The following ZNF792 variants were observed in gnomAD, a reference collection of about 807,000 sequenced individuals.
ZNF792 encodes the protein zinc finger protein 792.
A neutral mutation model predicts 13.1 loss-of-function variants in ZNF792; 14 were observed. The ratio of observed to expected loss-of-function variants is 1.07; its 90% CI spans 0.71 to 1.67. ZNF792 has a LOEUF of 1.67. ZNF792 is among the 40% of genes most tolerant of loss of function. ZNF792 has a pLI of 0.00. For synonymous variants in ZNF792, 257 were observed against 292.0 expected, an observed-to-expected ratio of 0.88 and a Z score of 1.22; for missense variants, 740 against 807.9, an observed-to-expected ratio of 0.92 and a Z score of 1.02.
intron 2 of ZNF792, chr19:34,960,561 A>G (rs2546025): frequency 0.31 from 222,668 of 723,572 alleles, 35,893 homozygotes; most frequent in African/African-American, 0.45. Context: ...TAAACCACAG[A>G]ACTGTCAGAT....
chr19:34,957,657 T>A lies in ZNF792; in HGVS notation c.*299A>T, dbSNP rs181175273. 226 of 336,752 alleles carry A rather than the reference T, an allele frequency of 6.7e-4. 1 individual carries two copies. Among genetic ancestry groups the A allele is most frequent in the African/African-American group, 4.3e-3 (202 of 47,358 alleles). The allele number at this position is 336,752 out of a possible 1,614,324, so 20.9% of individuals were successfully genotyped here. On this transcript the variant is annotated 3_prime_UTR_variant, in exon 4 of 4. Coordinates refer to ENST00000404801, the MANE Select transcript of ZNF792 (RefSeq NM_175872.5). The stretch of plus-strand genomic sequence containing the variant: ...CTAGAACAAGCTGTTGGCAAAACCC[T>A]GCTCAGGTCTTCACAGCCAAAAGCT...
At chr19:34,963,358 AC>A (rs2013555414) in intron 1 of ZNF792, among the ~76,000 whole-genome samples, 3 of 149,210 alleles carry the variant, frequency 2.0e-5, no homozygotes, top group Non-Finnish European at 4.5e-5. Flanking sequence ...GCCCCACCCC[AC>A]CCCCAAGCTT....
rs747178799 is a variant in ZNF792 at position 34,958,714 on chromosome 19, G to A, written c.1141C>T (p.Leu381Phe). 4 of 1,614,122 alleles carry A rather than the reference G, an allele frequency of 2.5e-6. No individual in the cohort carries two copies. Among genetic ancestry groups the A allele is most frequent in the Non-Finnish European group, 3.4e-6 (4 of 1,179,996 alleles). The change falls in exon 4 of 4, where the codon CTC becomes TTC. Residue 381 changes from leucine (L) to phenylalanine (F), a missense_variant. By Grantham distance (22) the Leu-to-Phe change is conservative. Coordinates refer to ENST00000404801, the MANE Select transcript of ZNF792 (RefSeq NM_175872.5). ...CGKFFSQRSN[L>F]IHHKRVHTGR... ...GTATGAACCCTCTTATGATGAATGA[G>A]GTTGGAACGCTGGCTGAAGAACTTC... is the stretch of plus-strand genomic sequence containing the variant.
Position 34,959,010 on chromosome 19 carries a change from T to C in ZNF792, c.845A>G (p.Tyr282Cys). 1 of 1,614,154 alleles carries C rather than the reference T, an allele frequency of 6.2e-7. No homozygotes were observed. The highest frequency in any genetic ancestry group is 8.5e-7 in the Non-Finnish European group (1 of 1,179,972). ...HQRIHSRERPYECSKCGIFFT... is the reference protein window; with the variant it reads ...HQRIHSRERPCECSKCGIFFT... The stretch of plus-strand genomic sequence containing the variant: ...GAAGATTCCACATTTGCTGCATTCA[T>C]AAGGCCTTTCTCTGCTGTGGATTCT... The change falls in exon 4 of 4, where the codon TAT becomes TGT. Residue 282 changes from tyrosine to cysteine, a missense_variant. Transcript: ENST00000404801.
rs549657234 is a variant in ZNF792, at chr19:34,962,771, G to A, written c.33+859C>T. Among the ~76,000 whole-genome samples, 6 of 152,228 alleles carry A rather than the reference G, an allele frequency of 3.9e-5. No individual in the cohort carries two copies. In the South Asian group the frequency reaches 8.3e-4, roughly 21 times the overall value. On this transcript the variant is annotated intron_variant, in intron 1 of 3. Coordinates refer to ENST00000404801, the MANE Select transcript of ZNF792 (RefSeq NM_175872.5). Reference sequence around the variant, plus strand: ...CCTTAACAACTCCCTCAGAACACCCGAACTGTGTGTTCAGCGGCCCACTCT... The same window carrying A: ...CCTTAACAACTCCCTCAGAACACCCAAACTGTGTGTTCAGCGGCCCACTCT...
At position 34,956,693 on chromosome 19, in the gene ZNF792, C is replaced by G. The variant is rs2013435427; in HGVS notation, c.*1263G>C. 6.6e-6 allele frequency: 1 copy of G among 152,220 alleles called. No individual in the cohort carries two copies. Among genetic ancestry groups the G allele is most frequent in the Non-Finnish European group, 1.5e-5 (1 of 68,044 alleles). 9.4% of individuals were successfully genotyped at this position (152,220 alleles called of 1,614,324 possible). On this transcript the variant is annotated 3_prime_UTR_variant, in exon 4 of 4. Coordinates refer to ENST00000404801, the MANE Select transcript of ZNF792 (RefSeq NM_175872.5). ...GGCAACCCTATATTGACTCTGTCAT[C>G]TCTTTCTTCTTGCCTTGGGAGCAAA...
rs201301780 is a variant in ZNF792 at position 34,960,225 on chromosome 19, C to T, written c.283+10G>A. The T allele has an allele frequency of 1.9e-5, 31 of 1,613,142 alleles. No homozygotes were observed. The highest frequency in any genetic ancestry group is 1.7e-4 in the Middle Eastern group (1 of 6,056). On this transcript the variant is annotated intron_variant, in intron 3 of 3. Coordinates refer to ENST00000404801, the MANE Select transcript of ZNF792 (RefSeq NM_175872.5). ...AGTCACATCCTCCCCTAGCTCCCAT[C>T]GCTGCTTACCAGAGCCAGGCCTGCC...
Position 34,958,081 on chromosome 19 carries a change from T to C in ZNF792, c.1774A>G (p.Asn592Asp). ...TGCTGTGAACAGGGAAGGAGCACAT[T>C]CTCCATGCTCCTTTCTCTGATGTGA... The part of the protein sequence containing the change: ...KIHIRERSME[N>D]VLLPCSQHTP... The change falls in exon 4 of 4, where the codon AAT (asparagine) becomes GAT (aspartate). Residue 592 changes from asparagine to aspartate, a missense_variant. Physicochemically the swap from Asn to Asp is conservative, Grantham distance 23 (BLOSUM62 1). Transcript: ENST00000404801. 6.2e-7 allele frequency: 1 copy of C among 1,612,586 alleles called. No homozygotes were observed. Among genetic ancestry groups the C allele is most frequent in the Non-Finnish European group, 8.5e-7 (1 of 1,179,262 alleles).
rs752559858 is a variant in ZNF792 at position 34,958,838 on chromosome 19, C to T, written c.1017G>A (p.Val339=). The T allele has an allele frequency of 1.2e-6, 2 of 1,612,558 alleles. No individual in the cohort carries two copies. Among genetic ancestry groups the T allele is most frequent in the African/African-American group, 1.3e-5 (1 of 75,028 alleles). ...RRVHTGESPH[V]CGDCGKFFSR... Reference sequence around the variant, plus strand: ...TGAAGAATTTCCCACAGTCACCACACACGTGAGGGCTTTCACCGGTGTGAA... The same window carrying T: ...TGAAGAATTTCCCACAGTCACCACATACGTGAGGGCTTTCACCGGTGTGAA... Residue 339 remains valine, a synonymous_variant, in exon 4 of 4, where the codon GTG becomes GTA. Transcript: ENST00000404801.
chr19:34,963,316 C>T (rs1185369844), intron 1 of ZNF792, among the ~76,000 whole-genome samples: 1 of 152,002 alleles, frequency 6.6e-6, no homozygotes, highest in Non-Finnish European at 1.5e-5. Flanking sequence ...GGTGGGGTTC[C>T]TTGAACACTC....
At chr19:34,963,256 C>T (rs1281687374) in intron 1 of ZNF792, among the ~76,000 whole-genome samples, 1 of 152,124 alleles carries the variant, frequency 6.6e-6, no homozygotes, top group African/African-American at 2.4e-5. Flanking sequence ...CTGTCTTCAG[C>T]CCACCTGCTC....
rs1453547162 is a variant in ZNF792, at chr19:34,957,799, T to C, written c.*157A>G. On this transcript the variant is annotated 3_prime_UTR_variant, in exon 4 of 4. Transcript: ENST00000404801. Reference sequence around the variant, plus strand: ...AGAGAGAGGAGAGGTCTGCCTTCCCTGAGCACAGTGGAGTGGTGGACACAC... The same window carrying C: ...AGAGAGAGGAGAGGTCTGCCTTCCCCGAGCACAGTGGAGTGGTGGACACAC... 4 of 702,366 alleles carry C rather than the reference T, an allele frequency of 5.7e-6. 1 individual carries two copies. In the South Asian group the frequency reaches 8.8e-5, roughly 15 times the overall value. The allele number at this position is 702,366 out of a possible 1,614,324, so 43.5% of individuals were successfully genotyped here. A position where few individuals can be genotyped will look rare whatever the true frequency, so the allele number is the denominator to read the frequency against.
Position 34,958,163 on chromosome 19 carries a change from G to A in ZNF792, c.1692C>T (p.Cys564=), listed in dbSNP as rs757720147. ...KVHKPDRPYE[C]SECGKAFNQR... ...GGTTGAAGGCTTTCCCACATTCGCT[G>A]CATTCGTAAGGCCTGTCTGGTTTGT... Residue 564 remains cysteine, a synonymous_variant, in exon 4 of 4, where the codon TGC becomes TGT. Transcript: ENST00000404801. 3.3e-5 allele frequency: 53 copies of A among 1,611,760 alleles called. No homozygotes were observed. The highest frequency in any genetic ancestry group is 3.6e-5 in the Non-Finnish European group (42 of 1,178,182).
At chr19:34,961,831 A>AC (rs1207524633) in intron 1 of ZNF792, among the ~76,000 whole-genome samples, 6 of 152,098 alleles carry the variant, frequency 3.9e-5, no homozygotes, top group Admixed American at 6.5e-5. Context: ...CTGAGGACAA[A>AC]CCCCATCAAG....
At chr19:34,962,066 C>T (rs185888265) in intron 1 of ZNF792, among the ~76,000 whole-genome samples, 124 of 152,244 alleles carry the variant, frequency 8.1e-4, no homozygotes, top group African/African-American at 2.8e-3. Flanking sequence ...TGATGCCAAA[C>T]AAGCCACAGT....
At position 34,960,984 on chromosome 19, in the gene ZNF792, G is replaced by A. The variant is rs776177003; in HGVS notation, c.44C>T (p.Thr15Ile). 2.5e-6 allele frequency: 4 copies of A among 1,613,388 alleles called. No individual in the cohort carries two copies. The highest frequency in any genetic ancestry group is 1.1e-5 in the South Asian group (1 of 91,046). The part of the protein sequence containing the change: ...ALRDPAQGCV[T>I]FEDVTIYFSQ... Reference sequence around the variant, plus strand: ...GAAGTAAATGGTCACGTCCTCAAAGGTCACGCAGCCCTGCCATGATGGGGA... The same window carrying A: ...GAAGTAAATGGTCACGTCCTCAAAGATCACGCAGCCCTGCCATGATGGGGA... The change falls in exon 2 of 4, where the codon ACC becomes ATC. Residue 15 changes from threonine to isoleucine, a missense_variant. Physicochemically the swap from Thr to Ile is moderately conservative, Grantham distance 89. Transcript: ENST00000404801.
chr19:34,959,196 A>G lies in ZNF792; in HGVS notation c.659T>C (p.Val220Ala), dbSNP rs371214628. The G allele has an allele frequency of 2.5e-5, 40 of 1,614,020 alleles. No homozygotes were observed. The highest frequency in any genetic ancestry group is 3.4e-5 in the Non-Finnish European group (40 of 1,179,898). Residue 220 changes from valine to alanine, a missense_variant, in exon 4 of 4, where the codon GTG becomes GCG. Val to Ala is a moderately conservative substitution (Grantham distance 64). Transcript: ENST00000404801. ...STCREGGKDF[V>A]ATAGFLQCEV... Reference sequence around the variant, plus strand: ...ACACTGCAGAAACCCTGCTGTGGCCACAAAGTCCTTCCCACCCTCCCTGCA... The same window carrying G: ...ACACTGCAGAAACCCTGCTGTGGCCGCAAAGTCCTTCCCACCCTCCCTGCA...
chr19:34,963,917 G>A lies in ZNF792; in HGVS notation c.-255C>T, dbSNP rs896782633. 2.8e-5 allele frequency: 13 copies of A among 458,754 alleles called. No homozygotes were observed. The highest frequency in any genetic ancestry group is 4.6e-5 in the Non-Finnish European group (12 of 261,000). 28.4% of individuals were successfully genotyped at this position (458,754 alleles called of 1,614,324 possible). On this transcript the variant is annotated 5_prime_UTR_variant, in exon 1 of 4. Coordinates refer to ENST00000404801, the MANE Select transcript of ZNF792 (RefSeq NM_175872.5). The stretch of plus-strand genomic sequence containing the variant: ...TGCAAGGGGTCACGGCTGGTGCAAA[G>A]GCGCGGAGGGGGTCCCGGCCTCACT...
rs565115744 is a variant in ZNF792 at position 34,959,632 on chromosome 19, T to C, written c.284-61A>G. 1.0e-5 allele frequency: 15 copies of C among 1,490,916 alleles called. No homozygotes were observed. In the South Asian group the frequency reaches 2.1e-4, roughly 21 times the overall value. The allele number at this position is 1,490,916 out of a possible 1,614,324, so 92.4% of individuals were successfully genotyped here. On this transcript the variant is annotated intron_variant, in intron 3 of 3. Coordinates refer to ENST00000404801, the MANE Select transcript of ZNF792 (RefSeq NM_175872.5). ...ACTTTAATAGAAGGAAAGAGCCCCA[T>C]CACCTATGCTTGGCTGACCCAAGAA...
Sources: allele counts gnomAD v4.1 joint callset (sites outside exome capture counted in the v4.1 genomes callset), GRCh38; gene constraint gnomAD v4.1.1; transcripts MANE v1.5; gene names NCBI Gene and HGNC (gene_info 2026-07-23, HGNC 2026-07-21).